The following NOL4 variants were observed in gnomAD, a reference collection of about 807,000 sequenced individuals.
NOL4 encodes the protein nucleolar protein 4, also known as cancer/testis antigen 125.
NOL4 carries 17 observed loss-of-function variants against 75.9 expected under a neutral mutation model. The observed-to-expected ratio is 0.22, with a 90% CI of 0.15 to 0.34. The LOEUF is 0.34. Ranked by LOEUF, NOL4 falls within the 10% of genes least tolerant of loss-of-function variation. The pLI is 1.00. For synonymous variants in NOL4, 292 were observed against 289.9 expected (o/e 1.01, Z -0.07); for missense variants, 614 against 793.5 (o/e 0.77, Z 2.72).
At chr18:34,090,415 G>T (rs1021604375) in intron 5 of NOL4, among the ~76,000 whole-genome samples, 3 of 152,124 alleles carry the variant, frequency 2.0e-5, no homozygotes, top group Non-Finnish European at 4.4e-5. Context: ...TCTGAAGAAT[G>T]TTAACAATTA....
At chr18:34,088,692 T>TA (rs1672904766) in intron 5 of NOL4, among the ~76,000 whole-genome samples, 1 of 152,110 alleles carries the variant, frequency 6.6e-6, no homozygotes. Flanking sequence ...GATTTTAACT[T>TA]AAAAACATTC....
At chr18:33,913,063 T>C (rs775135954) in intron 9 of NOL4, among the ~76,000 whole-genome samples, 2 of 152,124 alleles carry the variant, frequency 1.3e-5, no homozygotes, top group Admixed American at 6.6e-5. Flanking sequence ...ACTTTGTATG[T>C]ATAGGTAAAC....
intron 6 of NOL4, among the ~76,000 whole-genome samples, chr18:33,966,687 C>T (rs991059726): frequency 6.6e-6 from 1 of 151,510 alleles, no homozygotes; most frequent in Admixed American, 6.6e-5. Context: ...ATGCAAACAC[C>T]AATAATGTTC....
At chr18:33,953,974 T>G (rs967625661) in intron 8 of NOL4, among the ~76,000 whole-genome samples, 1 of 152,156 alleles carries the variant, frequency 6.6e-6, no homozygotes, top group African/African-American at 2.4e-5. Context: ...TAGTTGAATA[T>G]GCAGTCTTTG....
chr18:33,992,689 C>T (rs2073009609), intron 6 of NOL4, among the ~76,000 whole-genome samples: 2 of 151,972 alleles, frequency 1.3e-5, no homozygotes, highest in African/African-American at 2.4e-5. Flanking sequence ...TGGCATTCAG[C>T]TCCTTATTGC....
intron 1 of NOL4, among the ~76,000 whole-genome samples, chr18:34,215,371 CT>C (rs1298554753): frequency 6.6e-6 from 1 of 152,136 alleles, no homozygotes; most frequent in East Asian, 1.9e-4. Context: ...ATGCCAGGTA[CT>C]GGAGATTAAA....
intron 5 of NOL4, among the ~76,000 whole-genome samples, chr18:34,052,323 C>A (rs2076657366): frequency 6.6e-6 from 1 of 151,856 alleles, no homozygotes; most frequent in South Asian, 2.1e-4. Context: ...CTTACTTTGA[C>A]ACCATTGTCT....
rs182796406 is a variant in NOL4 at position 34,089,522 on chromosome 18, T to C, written c.772+3943A>G. Among the ~76,000 whole-genome samples the C allele has an allele frequency of 2.3e-3, 354 of 152,302 alleles. 2 individuals are homozygous for C. Among genetic ancestry groups the C allele is most frequent in the Admixed American group, 4.0e-3 (61 of 15,282 alleles). On this transcript the variant is annotated intron_variant, in intron 5 of 10. Coordinates refer to ENST00000261592, the MANE Select transcript of NOL4 (RefSeq NM_003787.5). ...TATTTAAATTTGAATTAAAATTAAA[T>C]TAGAATAGTTTCTCAGTAACACTAG...
At chr18:33,871,111 T>C (rs2063678732) in intron 10 of NOL4, among the ~76,000 whole-genome samples, 1 of 152,084 alleles carries the variant, frequency 6.6e-6, no homozygotes, top group African/African-American at 2.4e-5. Context: ...TTTAAGTGAG[T>C]TAAGAGCCAA....
intron 6 of NOL4, among the ~76,000 whole-genome samples, chr18:33,977,464 A>G (rs2071585236): frequency 6.6e-6 from 1 of 152,160 alleles, no homozygotes. Context: ...TGACTATGCC[A>G]TGTAAGATGT....
chr18:33,873,948 T>A (rs945442489), intron 10 of NOL4, among the ~76,000 whole-genome samples: 2 of 151,904 alleles, frequency 1.3e-5, no homozygotes, highest in African/African-American at 4.8e-5. Flanking sequence ...ATGAGTCAGA[T>A]GCAAGGGAGG....
chr18:34,076,345 A>T (rs1485918057), intron 5 of NOL4, among the ~76,000 whole-genome samples: 1 of 152,086 alleles, frequency 6.6e-6, no homozygotes, highest in African/African-American at 2.4e-5. Flanking sequence ...GGCCAGGAGG[A>T]ACCATTTCTG....
intron 1 of NOL4, among the ~76,000 whole-genome samples, chr18:34,132,894 C>A (rs62095780): frequency 0.045 from 6,915 of 152,106 alleles, 240 homozygotes; most frequent in South Asian, 0.069. Context: ...GGTCAGAATG[C>A]AATGGGATGA....
At chr18:34,087,690 T>C (rs1488544357) in intron 5 of NOL4, among the ~76,000 whole-genome samples, 1 of 152,046 alleles carries the variant, frequency 6.6e-6, no homozygotes, top group Admixed American at 6.6e-5. Flanking sequence ...GTCCTAAGTA[T>C]ACCCAAGGAT....
intron 4 of NOL4, among the ~76,000 whole-genome samples, chr18:34,101,749 G>A (rs1053731748): frequency 6.6e-6 from 1 of 151,992 alleles, no homozygotes; most frequent in African/African-American, 2.4e-5. Flanking sequence ...TTCTACTGGT[G>A]TCCCTGCATC....
At chr18:33,856,620 G>A (rs1272673580) in intron 10 of NOL4, among the ~76,000 whole-genome samples, 5 of 151,896 alleles carry the variant, frequency 3.3e-5, no homozygotes, top group Non-Finnish European at 5.9e-5. Flanking sequence ...TGGATAACTG[G>A]CAATTAATTC....
intron 5 of NOL4, among the ~76,000 whole-genome samples, chr18:34,043,594 T>C (rs554325452): frequency 6.6e-6 from 1 of 152,208 alleles, no homozygotes; most frequent in East Asian, 1.9e-4. Context: ...TCTTTATTAG[T>C]TATATCGCTT....
At chr18:34,110,119 G>A (rs895998784) in intron 2 of NOL4, among the ~76,000 whole-genome samples, 3 of 54,654 alleles carry the variant, frequency 5.5e-5, no homozygotes, top group South Asian at 7.4e-4. Context: ...TTCCATCCCC[G>A]CCCTCCCACA....
chr18:33,958,633 G>A (rs1318710814), intron 6 of NOL4, among the ~76,000 whole-genome samples: 3 of 152,022 alleles, frequency 2.0e-5, no homozygotes, highest in Non-Finnish European at 4.4e-5. Flanking sequence ...GCAAGTACTT[G>A]TTAGCTGCAT....
Sources: gnomAD v4.1 joint callset for allele counts (sites outside exome capture counted in the v4.1 genomes callset) on GRCh38, gnomAD v4.1.1 for gene constraint, MANE v1.5 for transcripts, NCBI Gene and HGNC (gene_info 2026-07-23, HGNC 2026-07-21) for gene names.